TRPM3: variants seen among roughly 807,000 people sequenced by gnomAD.
TRPM3 encodes transient receptor potential cation channel subfamily M member 3.
Under a neutral mutation model 181.2 loss-of-function variants are expected in TRPM3, and 77 were observed. The observed-to-expected ratio is 0.42, with a 90% CI of 0.35 to 0.51. The LOEUF (loss-of-function observed/expected upper bound fraction) is 0.51, where lower values mean the gene tolerates loss of function less well. TRPM3 is among the 20% of genes least tolerant of loss of function. The pLI, the probability that TRPM3 is intolerant of heterozygous loss-of-function variation, is 0.01. For synonymous variants in TRPM3, 745 were observed against 796.4 expected (o/e 0.94, Z 1.09); for missense variants, 1,759 against 2,196.7 (o/e 0.80, Z 3.98).
intron 1 of TRPM3, among the ~76,000 whole-genome samples, chr9:71,173,844 T>C (rs1299095010): frequency 6.6e-6 from 1 of 152,250 alleles, no homozygotes; most frequent in Non-Finnish European, 1.5e-5. Context: ...CTGTTCTTAC[T>C]TGTGAGCTTT....
rs140704593 is a variant in TRPM3, at chr9:71,100,481, G to C, written c.177+20697C>G. 8.3e-3 allele frequency among the ~76,000 whole-genome samples: 1,268 copies of C among 152,080 alleles called. 17 individuals carry two copies. The highest frequency in any genetic ancestry group is 0.028 in the African/African-American group (1,181 of 41,486). On this transcript the variant is annotated intron_variant, in intron 1 of 25. Transcript: ENST00000677713. ...AGTTCCTTCAGTCTAATTAACCCTA[G>C]GAATAATTCTAGTTCCCTTAACTAT...
chr9:71,315,228 G>T (rs954503085), intron 1 of TRPM3, among the ~76,000 whole-genome samples: 1 of 152,068 alleles, frequency 6.6e-6, no homozygotes, highest in East Asian at 1.9e-4. Flanking sequence ...TTCCTAGGTT[G>T]TCCAGCCCAC....
At chr9:71,075,433 G>A (rs935124283) in intron 1 of TRPM3, among the ~76,000 whole-genome samples, 1 of 152,142 alleles carries the variant, frequency 6.6e-6, no homozygotes, top group African/African-American at 2.4e-5. Flanking sequence ...GTTAGAAGTG[G>A]TCAGCTCATT....
intron 1 of TRPM3, among the ~76,000 whole-genome samples, chr9:71,295,551 C>G (rs2086191836): frequency 6.6e-6 from 1 of 151,094 alleles, no homozygotes; most frequent in Non-Finnish European, 1.5e-5. Context: ...TAAATGCTGC[C>G]AGGTGCAGTG....
chr9:71,180,050 C>CTT lies in TRPM3; in HGVS notation c.183+266601_183+266602dup, dbSNP rs35877663. Among the ~76,000 whole-genome samples, 70 of 101,176 alleles carry CTT rather than the reference C, an allele frequency of 6.9e-4. 1 individual carries two copies. The highest frequency in any genetic ancestry group is 1.6e-3 in the African/African-American group (44 of 26,714). 66.4% of individuals were successfully genotyped at this position (101,176 alleles called of 152,430 possible). A position where few individuals can be genotyped will look rare whatever the true frequency, so the allele number is the denominator to read the frequency against. On this transcript the variant is annotated intron_variant, in intron 1 of 24. Transcript: ENST00000357533. The stretch of plus-strand genomic sequence containing the variant: ...GGGGAGAACCTTATCATACATCCTT[C>CTT]TTTTTTTTTTTTTTTTTTTTTGAGA...
intron 1 of TRPM3, among the ~76,000 whole-genome samples, chr9:71,083,222 T>A (rs1165414477): frequency 1.3e-5 from 2 of 152,098 alleles, no homozygotes; most frequent in African/African-American, 4.8e-5. Flanking sequence ...TTCAGTCTCA[T>A]AATGATAACT....
At chr9:71,426,595 TA>T (rs780823607) in intron 1 of TRPM3, among the ~76,000 whole-genome samples, 5 of 152,188 alleles carry the variant, frequency 3.3e-5, no homozygotes, top group Non-Finnish European at 7.3e-5. Flanking sequence ...CCCCATGCTG[TA>T]ATGTTCTGCT....
rs1039374725 is a variant in TRPM3, at chr9:71,181,630, A to G, written c.183+265023T>C. ...TCCTTACTATGAGGTAAATAATATA[A>G]TTATTACATTCAACAGATGAAGTTT... is the stretch of plus-strand genomic sequence containing the variant. On this transcript the variant is annotated intron_variant, in intron 1 of 24. Transcript: ENST00000357533. Among the ~76,000 whole-genome samples the G allele has an allele frequency of 8.5e-5, 13 of 152,246 alleles. No individual in the cohort carries two copies. The South Asian group carries it at 2.7e-3, about 32-fold the overall frequency.
At chr9:70,912,218 A>G (rs1265972702) in intron 1 of TRPM3, among the ~76,000 whole-genome samples, 2 of 152,196 alleles carry the variant, frequency 1.3e-5, no homozygotes, top group Admixed American at 1.3e-4. Context: ...TTCTCCAAGA[A>G]TCATAATATT....
chr9:71,251,611 G>C (rs910748947), intron 1 of TRPM3, among the ~76,000 whole-genome samples: 13 of 151,516 alleles, frequency 8.6e-5, no homozygotes, highest in Non-Finnish European at 1.5e-4. Context: ...TATATATATG[G>C]GGCACATGAG....
chr9:71,229,291 T>A (rs2080893548), intron 1 of TRPM3, among the ~76,000 whole-genome samples: 1 of 152,084 alleles, frequency 6.6e-6, no homozygotes, highest in South Asian at 2.1e-4. Flanking sequence ...TAGGCCCCTA[T>A]CTCTCACCAT....
chr9:71,186,283 A>G (rs2077674472), intron 1 of TRPM3, among the ~76,000 whole-genome samples: 1 of 152,056 alleles, frequency 6.6e-6, no homozygotes, highest in Admixed American at 6.6e-5. Context: ...TTCAATCTAG[A>G]AACCATGTTT....
intron 1 of TRPM3, among the ~76,000 whole-genome samples, chr9:71,371,691 A>G (rs770652898): frequency 3.9e-5 from 6 of 152,238 alleles, no homozygotes; most frequent in Non-Finnish European, 7.3e-5. Context: ...CTTAGTTGGT[A>G]AAGCAGAGGC....
intron 1 of TRPM3, among the ~76,000 whole-genome samples, chr9:71,363,099 C>T (rs1024825780): frequency 1.3e-5 from 2 of 152,158 alleles, no homozygotes; most frequent in African/African-American, 4.8e-5. Flanking sequence ...TACTAATGGT[C>T]CTTCATACAA....
intron 6 of TRPM3, among the ~76,000 whole-genome samples, chr9:70,785,044 G>A (rs530656609): frequency 6.6e-6 from 1 of 152,082 alleles, no homozygotes; most frequent in Non-Finnish European, 1.5e-5. Context: ...TATGATTATT[G>A]ATTCTTAACA....
At chr9:70,686,698 C>CTTCT (rs1429864293) in intron 8 of TRPM3, among the ~76,000 whole-genome samples, 7 of 80,376 alleles carry the variant, frequency 8.7e-5, no homozygotes, top group African/African-American at 3.3e-4. Context: ...TCCTTCCTTC[C>CTTCT]TTCCTTCCTT....
intron 1 of TRPM3, among the ~76,000 whole-genome samples, chr9:71,336,156 C>T (rs1261656452): frequency 6.7e-6 from 1 of 149,298 alleles, no homozygotes; most frequent in Non-Finnish European, 1.5e-5. Flanking sequence ...TATACATGCT[C>T]AGGGCAAGAC....
chr9:71,372,659 G>A (rs2092553250), intron 1 of TRPM3, among the ~76,000 whole-genome samples: 1 of 152,134 alleles, frequency 6.6e-6, no homozygotes, highest in Non-Finnish European at 1.5e-5. Context: ...CTCCTTTTGA[G>A]AAGAGTCTGT....
At chr9:71,367,927 G>A (rs2092387940) in intron 1 of TRPM3, among the ~76,000 whole-genome samples, 2 of 146,490 alleles carry the variant, frequency 1.4e-5, no homozygotes, top group African/African-American at 5.1e-5. Flanking sequence ...TGCTGTCTTA[G>A]TATCTTCCTA....
Sources: gnomAD v4.1 joint callset for allele counts (sites outside exome capture counted in the v4.1 genomes callset) on GRCh38, gnomAD v4.1.1 for gene constraint, MANE v1.5 for transcripts, NCBI Gene and HGNC (gene_info 2026-07-23, HGNC 2026-07-21) for gene names.